The following ACTR3C variants were observed in gnomAD, a reference collection of about 807,000 sequenced individuals.
ACTR3C encodes actin related protein 3C.
Under a neutral mutation model 26.3 loss-of-function variants are expected in ACTR3C, and 18 were observed. That is an observed-to-expected ratio of 0.68 (90% CI 0.47 to 1.01). The LOEUF (loss-of-function observed/expected upper bound fraction) is 1.01, where lower values mean the gene tolerates loss of function less well. Among genes scored for constraint, ACTR3C ranks in the 50% least tolerant of loss-of-function variants. ACTR3C has a pLI of 0.00. For missense variants in ACTR3C, 184 were observed against 250.7 expected (o/e 0.73, Z 1.80); for synonymous variants, 55 against 94.5 (o/e 0.58, Z 2.42).
At chr7:149,975,093 T>G in the ACTR3C span, among the ~76,000 whole-genome samples, 15 of 152,190 alleles carry the variant, frequency 9.9e-5, no homozygotes, top group Admixed American at 2.0e-4. Flanking sequence ...AGAATACACA[T>G]GTCCCCCCAG....
the ACTR3C span, among the ~76,000 whole-genome samples, chr7:149,909,257 A>G: frequency 3.4e-4 from 11 of 32,284 alleles, no homozygotes; most frequent in South Asian, 7.4e-3. Flanking sequence ...CAGGCCTATC[A>G]TTTCCACCAA....
At chr7:149,987,453 G>A in the ACTR3C span, among the ~76,000 whole-genome samples, 1 of 146,954 alleles carries the variant, frequency 6.8e-6, no homozygotes, top group East Asian at 2.0e-4. Flanking sequence ...CATAATCCCA[G>A]CTACTCAGGA....
At chr7:149,991,469 C>T in the ACTR3C span, among the ~76,000 whole-genome samples, 2 of 152,226 alleles carry the variant, frequency 1.3e-5, no homozygotes, top group Admixed American at 6.5e-5. Context: ...CACACAGAAT[C>T]AGACACAGGC....
chr7:150,202,068 T>C, the ACTR3C span, among the ~76,000 whole-genome samples: 3 of 152,220 alleles, frequency 2.0e-5, no homozygotes, highest in Admixed American at 2.0e-4. Context: ...ATTTCCTTGT[T>C]TGTAATAACA....
At chr7:150,200,140 C>G in the ACTR3C span, among the ~76,000 whole-genome samples, 7 of 152,178 alleles carry the variant, frequency 4.6e-5, no homozygotes, top group Admixed American at 2.0e-4. Context: ...CTTATTTACT[C>G]AAAGGCCAAT....
At chr7:150,104,017 C>G in the ACTR3C span, among the ~76,000 whole-genome samples, 24 of 152,038 alleles carry the variant, frequency 1.6e-4, 1 homozygote, top group Middle Eastern at 3.4e-3. Context: ...GGACATTATT[C>G]AAGAGGGCTG....
chr7:149,906,842 C>T, the ACTR3C span, among the ~76,000 whole-genome samples: 1 of 52,192 alleles, frequency 1.9e-5, no homozygotes, highest in Admixed American at 2.3e-4. Context: ...TTTTTCTCAG[C>T]CCCTCGCTGC....
chr7:149,957,203 C>T, the ACTR3C span, among the ~76,000 whole-genome samples: 2 of 151,888 alleles, frequency 1.3e-5, no homozygotes, highest in African/African-American at 2.4e-5. Flanking sequence ...TGCATTTCAC[C>T]GGACTTCTTA....
the ACTR3C span, among the ~76,000 whole-genome samples, chr7:150,042,054 A>G: frequency 1.1e-5 from 1 of 95,028 alleles, no homozygotes; most frequent in Non-Finnish European, 2.2e-5. Context: ...GGGGGTCCTA[A>G]GCCAGGGGGG....
chr7:150,068,622 CA>C, the ACTR3C span, among the ~76,000 whole-genome samples: 30 of 141,472 alleles, frequency 2.1e-4, no homozygotes, highest in Non-Finnish European at 2.1e-4. Context: ...ACTAAAAATA[CA>C]AAAAAAAAAA....
the ACTR3C span, among the ~76,000 whole-genome samples, chr7:150,162,009 G>A: frequency 1.3e-5 from 2 of 152,016 alleles, no homozygotes; most frequent in African/African-American, 4.8e-5. Flanking sequence ...TAATAAAGAC[G>A]ATTGCTTCCT....
the ACTR3C span, among the ~76,000 whole-genome samples, chr7:150,105,077 CTTTTTTTCTTT>C: frequency 6.7e-6 from 1 of 148,406 alleles, no homozygotes; most frequent in East Asian, 2.0e-4. Flanking sequence ...CTTCTTCATT[CTTTTTTTCTTT>C]TTTTTTTTTT....
chr7:150,030,648 C>A, the ACTR3C span, among the ~76,000 whole-genome samples: 139 of 148,182 alleles, frequency 9.4e-4, no homozygotes, highest in East Asian at 1.4e-3. Flanking sequence ...GGAAGGTGAC[C>A]TTGCCCTTCT....
At chr7:150,029,576 A>G in the ACTR3C span, among the ~76,000 whole-genome samples, 4 of 150,822 alleles carry the variant, frequency 2.7e-5, no homozygotes, top group Non-Finnish European at 5.9e-5. Context: ...CAACCAATAA[A>G]ACAAACAAAC....
At chr7:150,086,909 C>T in the ACTR3C span, among the ~76,000 whole-genome samples, 1 of 152,138 alleles carries the variant, frequency 6.6e-6, no homozygotes, top group Non-Finnish European at 1.5e-5. Context: ...GAGCAAGTTC[C>T]ATGCCAATCA....
chr7:149,904,538 AACAACAACAAC>A, the ACTR3C span, among the ~76,000 whole-genome samples: 1 of 78,068 alleles, frequency 1.3e-5, no homozygotes, highest in Non-Finnish European at 3.3e-5. Flanking sequence ...CTCAAAAAAC[AACAACAACAAC>A]AAAAAAAACT....
chr7:149,891,459 A>G, the ACTR3C span: 5,966 of 554,172 alleles, frequency 0.011, 285 homozygotes, highest in African/African-American at 0.1. Flanking sequence ...CATTTGGAAA[A>G]AAAAGATTAA....
At chr7:150,194,506 T>C in the ACTR3C span, among the ~76,000 whole-genome samples, 5 of 150,690 alleles carry the variant, frequency 3.3e-5, no homozygotes, top group Non-Finnish European at 7.4e-5. Context: ...TTTTCTTTTT[T>C]AATCCAATCT....
chr7:150,158,606 T>C, the ACTR3C span, among the ~76,000 whole-genome samples: 2 of 152,204 alleles, frequency 1.3e-5, no homozygotes, highest in South Asian at 4.1e-4. Flanking sequence ...TGATCTTACT[T>C]GTGAAATCTA....
Sources: allele counts gnomAD v4.1 joint callset (sites outside exome capture counted in the v4.1 genomes callset), GRCh38; gene constraint gnomAD v4.1.1; transcripts MANE v1.5; gene names NCBI Gene and HGNC (gene_info 2026-07-23, HGNC 2026-07-21).